The following BRCA1 variants were observed in gnomAD, a reference collection of about 807,000 sequenced individuals.
BRCA1 encodes the protein breast cancer type 1 susceptibility protein.
Under a neutral mutation model 173.7 loss-of-function variants are expected in BRCA1, and 140 were observed. The observed-to-expected ratio is 0.81, with a 90% CI of 0.70 to 0.93. The LOEUF is 0.93. Among genes scored for constraint, BRCA1 ranks in the 40% least tolerant of loss-of-function variants. The probability of loss-of-function intolerance (pLI) is 0.00; values close to 1 mark genes in which losing one functional copy is unlikely to be tolerated. For missense variants in BRCA1, 1,983 were observed against 2,172.5 expected, an observed-to-expected ratio of 0.91 and a Z score of 1.73; for synonymous variants, 662 against 756.0, an observed-to-expected ratio of 0.88 and a Z score of 2.04.
chr17:43,059,388 G>A (rs974587285), intron 18 of BRCA1, among the ~76,000 whole-genome samples: 3 of 151,980 alleles, frequency 2.0e-5, no homozygotes, highest in Non-Finnish European at 4.4e-5. Context: ...CACTTGAACC[G>A]GGAGGCGGAG....
intron 15 of BRCA1, among the ~76,000 whole-genome samples, chr17:43,068,502 A>G (rs140725300): frequency 1.2e-4 from 18 of 151,844 alleles, no homozygotes; most frequent in African/African-American, 4.1e-4. Flanking sequence ...CTTGAGCTCA[A>G]GAGTCTGAGA....
intron 15 of BRCA1, among the ~76,000 whole-genome samples, chr17:43,069,911 G>T (rs1424438414): frequency 6.6e-6 from 1 of 152,152 alleles, no homozygotes; most frequent in South Asian, 2.1e-4. Context: ...TCTCATCATA[G>T]TTTTAAAGAA....
At chr17:43,063,289 ACTGAATGAATATCTCTGGT>A in intron 18 of BRCA1, 25 bp downstream of exon 18, 1 of 1,495,016 alleles carries the variant, frequency 6.7e-7, no homozygotes, top group Non-Finnish European at 9.3e-7. Context: ...TAACTATATG[ACTGAATGAATATCTCTGGT>A]TAGTTTGTAA....
chr17:43,155,210 C>T (rs928371680), intron 1 of BRCA1, among the ~76,000 whole-genome samples: 2 of 152,056 alleles, frequency 1.3e-5, no homozygotes, highest in Non-Finnish European at 2.9e-5. Flanking sequence ...CACTCTGTCA[C>T]CCAGGCTGGA....
At chr17:43,156,773 T>G (rs972574101) in intron 1 of BRCA1, among the ~76,000 whole-genome samples, 1 of 152,128 alleles carries the variant, frequency 6.6e-6, no homozygotes, top group African/African-American at 2.4e-5. Context: ...AGTATGGTAA[T>G]TATAATCTAC....
intron 19 of BRCA1, among the ~76,000 whole-genome samples, chr17:43,051,578 A>AC (rs2051239309): frequency 6.6e-6 from 1 of 151,098 alleles, no homozygotes; most frequent in Non-Finnish European, 1.5e-5. Flanking sequence ...ACTCACTATG[A>AC]CCCCATCAAC....
intron 11 of BRCA1, among the ~76,000 whole-genome samples, chr17:43,087,637 G>A (rs922421437): frequency 2.7e-5 from 4 of 150,098 alleles, no homozygotes; most frequent in Non-Finnish European, 4.4e-5. Flanking sequence ...ACTCCAGCCT[G>A]GGCAACAAGA....
rs886040166 is a variant in BRCA1, at chr17:43,091,721, G to T, written c.3810C>A (p.Cys1270Ter). ...LLSLKNSLND[C>*]SNQVILAKAS... ...CCTTTGCCAATATTACCTGGTTACTGCAGTCATTTAAGCTATTCTTCAATG... is the reference window on the plus strand; with the variant it reads ...CCTTTGCCAATATTACCTGGTTACTTCAGTCATTTAAGCTATTCTTCAATG... Residue 1270 changes from cysteine to a stop codon, truncating the protein, a stop_gained, in exon 10 of 23, where the codon TGC becomes TGA. Transcript: ENST00000357654. LOFTEE classifies it high-confidence loss of function. 6.2e-7 allele frequency: 1 copy of T among 1,614,198 alleles called. No homozygotes were observed. The highest frequency in any genetic ancestry group is 8.5e-7 in the Non-Finnish European group (1 of 1,180,036).
Position 43,076,396 on chromosome 17 carries a change from T to G in BRCA1, c.4484+92A>C, listed in dbSNP as rs886385878. The G allele has an allele frequency of 4.7e-6, 7 of 1,503,930 alleles. No individual in the cohort carries two copies. In the Admixed American group the frequency reaches 1.2e-4, roughly 25 times the overall value. The allele number at this position is 1,503,930 out of a possible 1,614,324, so 93.2% of individuals were successfully genotyped here. ...GTATAAATGCCTGTATGCAAAAAACTGGAGAAAGTATGGTGAAAAAAATTA... is the reference window on the plus strand; with the variant it reads ...GTATAAATGCCTGTATGCAAAAAACGGGAGAAAGTATGGTGAAAAAAATTA... On this transcript the variant is annotated intron_variant, in intron 13 of 22. Transcript: ENST00000357654.
At chr17:43,088,119 A>G (rs896015857) in intron 11 of BRCA1, among the ~76,000 whole-genome samples, 3 of 152,212 alleles carry the variant, frequency 2.0e-5, no homozygotes, top group Non-Finnish European at 2.9e-5. Flanking sequence ...TACTAAAAGA[A>G]TATACACCAA....
chr17:43,063,059 T>C (rs925462702), intron 18 of BRCA1, among the ~76,000 whole-genome samples: 6 of 151,996 alleles, frequency 3.9e-5, no homozygotes, highest in East Asian at 3.9e-4. Context: ...CCCGGCTAAT[T>C]TTGTATTTTT....
chr17:43,045,854 T>G (rs749169255), intron 22 of BRCA1, 52 bp from the exon 23 acceptor site: 1 of 1,612,676 alleles, frequency 6.2e-7, no homozygotes, highest in South Asian at 1.1e-5. Flanking sequence ...TCTCCTGGAC[T>G]AGGCTCTAAT....
In BRCA1 at chr17:43,063,341, G is replaced by C. The variant is rs1207677103; in HGVS notation, c.5185C>G (p.Leu1729Val). Residue 1729 changes from leucine to valine, a missense_variant, in exon 18 of 23, where the codon CTG (leucine) becomes GTG (valine). Physicochemically the swap from Leu to Val is conservative, Grantham distance 32. Transcript: ENST00000357654. ...VTQSIKERKMLNEHDFEVRGD... is the reference protein window; with the variant it reads ...VTQSIKERKMVNEHDFEVRGD... ...TAACATCAAGTACTTACCTCATTCA[G>C]CATTTTTCTTTCTTTAATAGACTGG... The C allele has an allele frequency of 1.2e-6, 2 of 1,609,976 alleles. No homozygotes were observed. The highest frequency in any genetic ancestry group is 2.7e-5 in the African/African-American group (2 of 74,958).
intron 11 of BRCA1, among the ~76,000 whole-genome samples, chr17:43,084,348 T>C (rs1279696246): frequency 6.6e-6 from 1 of 151,588 alleles, no homozygotes; most frequent in Admixed American, 6.6e-5. Flanking sequence ...GTATTTTTAG[T>C]AGAGACGGGG....
At position 43,092,229 on chromosome 17, in the gene BRCA1, C is replaced by T. The variant is rs41293447; in HGVS notation, c.3302G>A (p.Ser1101Asn). 407 of 1,613,344 alleles carry T rather than the reference C, an allele frequency of 2.5e-4. 1 individual carries two copies. The highest frequency in any genetic ancestry group is 4.9e-4 in the Middle Eastern group (3 of 6,084). Residue 1101 changes from serine (S) to asparagine (N), a missense_variant, in exon 10 of 23, where the codon AGT (serine) becomes AAT (asparagine). Physicochemically the swap from Ser to Asn is conservative, Grantham distance 46. Transcript: ENST00000357654. ...TTTTATTTCAGGATGCTTACAATTA[C>T]TTCCAGGAAGACTTTGTTTATAGAC... ...PEVYKQSLPG[S>N]NCKHPEIKKQ...
rs4239147 is a variant in BRCA1, at chr17:43,077,795, A to G, written c.4358-1181T>C. 0.45 allele frequency among the ~76,000 whole-genome samples: 68,519 copies of G among 151,612 alleles called. 17,274 individuals are homozygous for G. The highest frequency in any genetic ancestry group is 0.69 in the African/African-American group (28,444 of 41,296). On this transcript the variant is annotated intron_variant, in intron 12 of 22. Transcript: ENST00000357654. ...GTTGCCCAGGCTGCAGTGCAATGGC[A>G]TGATCTTGGCTCACCACAACCTCTC...
intron 13 of BRCA1, 107 bp downstream of exon 13, chr17:43,076,381 C>T (rs930512601): frequency 1.5e-6 from 2 of 1,361,732 alleles, no homozygotes; most frequent in African/African-American, 2.9e-5. Context: ...GTATAAATGC[C>T]TGTATGCAAA....
intron 12 of BRCA1, 74 bp from the exon 13 acceptor site, chr17:43,076,688 A>AT (rs1229841780): frequency 2.6e-6 from 4 of 1,565,148 alleles, no homozygotes; most frequent in African/African-American, 2.7e-5. Context: ...TAGAATACTG[A>AT]TTTTTTTCAA....
In BRCA1 at chr17:43,049,323, C is replaced by T. The variant is rs1252317463; in HGVS notation, c.5333-129G>A. On this transcript the variant is annotated intron_variant, in intron 20 of 22. Coordinates refer to ENST00000357654, the MANE Select transcript of BRCA1 (RefSeq NM_007294.4). ...AATGGGAGAGTCTGTCTCTCTGCTC[C>T]AAAGGACAATGGTCTTAAAATAGTA... 2 of 839,922 alleles carry T rather than the reference C, an allele frequency of 2.4e-6. No homozygotes were observed. Among genetic ancestry groups the T allele is most frequent in the South Asian group, 1.4e-5 (1 of 70,400 alleles). The allele number at this position is 839,922 out of a possible 1,614,324, so 52.0% of individuals were successfully genotyped here.
Sources: allele counts gnomAD v4.1 joint callset (sites outside exome capture counted in the v4.1 genomes callset), GRCh38; gene constraint gnomAD v4.1.1; transcripts MANE v1.5; gene names NCBI Gene and HGNC (gene_info 2026-07-23, HGNC 2026-07-21).